The following MTUS2 variants were observed in gnomAD, a reference collection of about 807,000 sequenced individuals.
MTUS2 encodes microtubule-associated tumor suppressor candidate 2.
In MTUS2, 40 loss-of-function variants were observed where a neutral mutation model predicts 114.1. The observed-to-expected ratio is 0.35, with a 90% CI of 0.27 to 0.46. The LOEUF (loss-of-function observed/expected upper bound fraction) is 0.46. Ranked by LOEUF, MTUS2 falls within the 20% of genes least tolerant of loss-of-function variation. MTUS2 has a pLI of 1.00. For synonymous variants in MTUS2, 688 were observed against 672.0 expected, an observed-to-expected ratio of 1.02 and a Z score of -0.37; for missense variants, 1,679 against 1,705.4, an observed-to-expected ratio of 0.98 and a Z score of 0.27.
intron 8 of MTUS2, 102 bp downstream of exon 8, chr13:29,359,575 T>A (rs4769728): frequency 2.2e-6 from 3 of 1,346,882 alleles, no homozygotes; most frequent in Non-Finnish European, 3.0e-6. Context: ...GTTTGAGTTT[T>A]GATCAGAGTG....
At chr13:29,400,458 A>G (rs1874244140) in intron 8 of MTUS2, among the ~76,000 whole-genome samples, 1 of 152,238 alleles carries the variant, frequency 6.6e-6, no homozygotes, top group Non-Finnish European at 1.5e-5. Context: ...GTGAATTGAT[A>G]AAGACCTGAA....
At chr13:29,155,505 T>A (rs1335777647) in intron 5 of MTUS2, among the ~76,000 whole-genome samples, 3 of 152,154 alleles carry the variant, frequency 2.0e-5, no homozygotes, top group African/African-American at 2.4e-5. Flanking sequence ...CATGCCCTCA[T>A]GGGAAGAGCA....
At chr13:28,827,933 G>A (rs371122047) in intron 1 of MTUS2, among the ~76,000 whole-genome samples, 2 of 152,336 alleles carry the variant, frequency 1.3e-5, no homozygotes, top group South Asian at 4.1e-4. Context: ...TTTTGGGCAT[G>A]CATTGTCATT....
At chr13:29,230,192 G>A (rs7334265) in intron 5 of MTUS2, among the ~76,000 whole-genome samples, 3,680 of 152,286 alleles carry the variant, frequency 0.024, 148 homozygotes, top group African/African-American at 0.084. Context: ...CTTGCAGTGA[G>A]CTGAGATCAC....
At chr13:29,285,113 G>GA (rs1300465880) in intron 6 of MTUS2, among the ~76,000 whole-genome samples, 1 of 149,534 alleles carries the variant, frequency 6.7e-6, no homozygotes, top group African/African-American at 2.5e-5. Flanking sequence ...AGGAAAAACT[G>GA]AAAGAGTTTG....
rs950938791 is a variant in MTUS2, at chr13:29,114,696, A to T, written c.2644+13726A>T. ...AATAAGGAGCCATTGGTGCACTATT[A>T]TCCTCTTCCTGGTTTTCTTGAAGAC... On this transcript the variant is annotated intron_variant, in intron 5 of 15. Coordinates refer to ENST00000612955, the MANE Select transcript of MTUS2 (RefSeq NM_001033602.4). 3.7e-4 allele frequency among the ~76,000 whole-genome samples: 57 copies of T among 152,198 alleles called. 1 individual carries two copies. Among genetic ancestry groups the T allele is most frequent in the African/African-American group, 1.3e-3 (53 of 41,458 alleles).
intron 5 of MTUS2, among the ~76,000 whole-genome samples, chr13:29,271,268 G>C (rs1897871603): frequency 6.6e-6 from 1 of 152,196 alleles, no homozygotes; most frequent in South Asian, 2.1e-4. Context: ...CAGCTTCTGA[G>C]TGAAGGTGGA....
At chr13:28,967,302 G>A (rs192843352) in intron 2 of MTUS2, among the ~76,000 whole-genome samples, 2 of 152,140 alleles carry the variant, frequency 1.3e-5, no homozygotes, top group African/African-American at 4.8e-5. Context: ...TTATATTGCC[G>A]GGGGGAGAGG....
At chr13:29,105,742 A>G (rs1475600233) in intron 5 of MTUS2, among the ~76,000 whole-genome samples, 2 of 151,470 alleles carry the variant, frequency 1.3e-5, no homozygotes, top group Non-Finnish European at 2.9e-5. Context: ...TGACGTTCGC[A>G]TAAATAATCC....
chr13:28,926,145 GAGGCA>G (rs982708714), intron 2 of MTUS2, among the ~76,000 whole-genome samples: 6 of 152,152 alleles, frequency 3.9e-5, no homozygotes, highest in Admixed American at 3.9e-4. Context: ...AGTCAAATTG[GAGGCA>G]AGCTATTGAA....
chr13:28,915,789 C>CT (rs1880713304), intron 2 of MTUS2, among the ~76,000 whole-genome samples: 1 of 151,744 alleles, frequency 6.6e-6, no homozygotes, highest in Non-Finnish European at 1.5e-5. Context: ...TGTACAGAAG[C>CT]TTTTTAACTT....
chr13:29,432,123 G>A (rs1216297215), intron 8 of MTUS2, among the ~76,000 whole-genome samples: 5 of 151,626 alleles, frequency 3.3e-5, no homozygotes, highest in Admixed American at 2.0e-4. Context: ...AAAATGTTGG[G>A]ATAATAGGTG....
chr13:29,269,626 G>A (rs1897800731), intron 5 of MTUS2, among the ~76,000 whole-genome samples: 1 of 152,128 alleles, frequency 6.6e-6, no homozygotes, highest in African/African-American at 2.4e-5. Flanking sequence ...GTAAAATGGT[G>A]CAGCCATTAT....
chr13:29,096,935 G>A (rs775153949), intron 4 of MTUS2, among the ~76,000 whole-genome samples: 26 of 152,124 alleles, frequency 1.7e-4, no homozygotes, highest in Non-Finnish European at 3.7e-4. Flanking sequence ...TGTGCCTGGG[G>A]TAGTACCTCT....
At chr13:29,415,436 G>T (rs1285902311) in intron 8 of MTUS2, among the ~76,000 whole-genome samples, 1 of 152,058 alleles carries the variant, frequency 6.6e-6, no homozygotes, top group Non-Finnish European at 1.5e-5. Context: ...CACGATTTTG[G>T]CTTTCAGCAT....
chr13:29,414,468 TAAA>T (rs67181675), intron 8 of MTUS2, among the ~76,000 whole-genome samples: 1,447 of 126,776 alleles, frequency 0.011, 14 homozygotes, highest in African/African-American at 0.034. Context: ...AAAAAAAAAT[TAAA>T]AAAAAAAAAA....
chr13:29,243,275 G>T (rs998011036), intron 5 of MTUS2, among the ~76,000 whole-genome samples: 2 of 152,164 alleles, frequency 1.3e-5, no homozygotes, highest in African/African-American at 4.8e-5. Flanking sequence ...ACAGGAAAGC[G>T]GGAGCAAAGC....
At chr13:28,939,625 C>T (rs1411566147) in intron 2 of MTUS2, among the ~76,000 whole-genome samples, 1 of 152,004 alleles carries the variant, frequency 6.6e-6, no homozygotes, top group Non-Finnish European at 1.5e-5. Flanking sequence ...CAATTTTTTG[C>T]TATTGCAATT....
intron 8 of MTUS2, among the ~76,000 whole-genome samples, chr13:29,406,925 C>G (rs984529457): frequency 6.6e-6 from 1 of 152,066 alleles, no homozygotes; most frequent in Non-Finnish European, 1.5e-5. Flanking sequence ...ATCAATATGC[C>G]ATAATTTAGG....
Sources: gnomAD v4.1 joint callset for allele counts (sites outside exome capture counted in the v4.1 genomes callset) on GRCh38, gnomAD v4.1.1 for gene constraint, MANE v1.5 for transcripts, NCBI Gene and HGNC (gene_info 2026-07-23, HGNC 2026-07-21) for gene names.